The following PLEKHG1 variants were observed in gnomAD, a reference collection of about 807,000 sequenced individuals.
The protein encoded by PLEKHG1 is pleckstrin homology domain-containing family G member 1.
Under a neutral mutation model 100.8 loss-of-function variants are expected in PLEKHG1, and 44 were observed. That is an observed-to-expected ratio of 0.44 (90% confidence interval 0.34 to 0.56). PLEKHG1 has a LOEUF of 0.56. Among genes scored for constraint, PLEKHG1 ranks in the 20% least tolerant of loss-of-function variants. The pLI, the probability that PLEKHG1 is intolerant of heterozygous loss-of-function variation, is 0.01. For missense variants in PLEKHG1, 1,545 were observed against 1,720.9 expected, an observed-to-expected ratio of 0.90 and a Z score of 1.81; for synonymous variants, 640 against 662.5, an observed-to-expected ratio of 0.97 and a Z score of 0.52.
chr6:150,603,093 A>AAAG (rs1776430569), intron 1 of PLEKHG1, among the ~76,000 whole-genome samples: 2 of 124,266 alleles, frequency 1.6e-5, no homozygotes, highest in Admixed American at 8.3e-5. Context: ...AAAAAAAAAA[A>AAAG]TAAAAAAAAA....
At chr6:150,761,432 C>T (rs1412913232) in intron 2 of PLEKHG1, among the ~76,000 whole-genome samples, 1 of 152,114 alleles carries the variant, frequency 6.6e-6, no homozygotes, top group Non-Finnish European at 1.5e-5. Context: ...CTCAGCCTCT[C>T]GAGTAGCTGA....
chr6:150,674,431 T>C (rs1779671375), intron 3 of PLEKHG1, among the ~76,000 whole-genome samples: 1 of 152,212 alleles, frequency 6.6e-6, no homozygotes, highest in South Asian at 2.1e-4. Context: ...AGCTCTCTTC[T>C]CTTTCTGAGA....
rs78827208 is a variant in PLEKHG1, at chr6:150,674,303, A to G, written c.-99+23517A>G. Among the ~76,000 whole-genome samples, 1,363 of 152,218 alleles carry G rather than the reference A, an allele frequency of 9.0e-3. 8 individuals carry two copies. The highest frequency in any genetic ancestry group is 0.027 in the Middle Eastern group (8 of 294). On this transcript the variant is annotated intron_variant, in intron 3 of 3. Coordinates refer to the PLEKHG1 transcript ENST00000367326. ...TGAACAAGCGTTGAAAAAGGTTTTT[A>G]TTGTTAACTCTAAAGTTAACAGAAA...
chr6:150,701,681 T>C (rs1780798523), intron 3 of PLEKHG1, among the ~76,000 whole-genome samples: 1 of 144,670 alleles, frequency 6.9e-6, no homozygotes, highest in African/African-American at 2.5e-5. Context: ...TAGGAAGGCA[T>C]TGAATGTTCA....
At chr6:150,644,334 G>GGTT (rs1554255840) in intron 2 of PLEKHG1, among the ~76,000 whole-genome samples, 1 of 117,618 alleles carries the variant, frequency 8.5e-6, no homozygotes, top group Admixed American at 9.3e-5. Flanking sequence ...TTCTTTTCGT[G>GGTT]TTTTTTTTTT....
intron 3 of PLEKHG1, chr6:150,663,233 T>C (rs1207909949): frequency 6.6e-6 from 1 of 152,226 alleles, no homozygotes; most frequent in Non-Finnish European, 1.5e-5. Flanking sequence ...ATTAAATGTT[T>C]ACATTTCTAT....
chr6:150,645,000 T>A (rs1778431699), intron 2 of PLEKHG1, among the ~76,000 whole-genome samples: 1 of 152,182 alleles, frequency 6.6e-6, no homozygotes, highest in Non-Finnish European at 1.5e-5. Context: ...AATTCTAAAA[T>A]GTATACAGAA....
intron 3 of PLEKHG1, among the ~76,000 whole-genome samples, chr6:150,774,593 G>C (rs953885350): frequency 2.4e-4 from 35 of 146,356 alleles, no homozygotes; most frequent in Admixed American, 2.3e-3. Flanking sequence ...TCAGGCTGGA[G>C]GGCAATGGCA....
chr6:150,741,032 C>A (rs1034276989), intron 2 of PLEKHG1, among the ~76,000 whole-genome samples: 17 of 152,308 alleles, frequency 1.1e-4, no homozygotes, highest in Admixed American at 1.0e-3. Context: ...CAGCACAAAC[C>A]TAGAAGGTGG....
At chr6:150,602,202 T>G (rs930292625) in intron 1 of PLEKHG1, among the ~76,000 whole-genome samples, 1 of 152,248 alleles carries the variant, frequency 6.6e-6, no homozygotes, top group Admixed American at 6.5e-5. Context: ...AGCTATTATC[T>G]TAATGGCGGC....
intron 5 of PLEKHG1, among the ~76,000 whole-genome samples, chr6:150,799,050 T>C (rs1201595316): frequency 6.6e-6 from 1 of 150,790 alleles, no homozygotes; most frequent in Non-Finnish European, 1.5e-5. Context: ...GAGAAAGTTG[T>C]CTTTAAAAAA....
chr6:150,843,402 T>C (rs1404359500), exon 16 of PLEKHG1: 2 of 152,096 alleles, frequency 1.3e-5, no homozygotes, highest in Non-Finnish European at 2.9e-5. Context: ...AGTTATCAAT[T>C]GCTTTTGTTT....
chr6:150,761,835 T>G (rs1360310070), intron 2 of PLEKHG1, among the ~76,000 whole-genome samples: 2 of 152,180 alleles, frequency 1.3e-5, no homozygotes, highest in African/African-American at 4.8e-5. Context: ...TCCAAGTTTC[T>G]TTTTCTGGGA....
At chr6:150,797,834 CAAAAAAAAAAAAAAAAAAAA>C (rs58218481) in intron 5 of PLEKHG1, among the ~76,000 whole-genome samples, 20 of 23,910 alleles carry the variant, frequency 8.4e-4, no homozygotes, top group East Asian at 2.2e-3. Context: ...GACTCTGTCT[CAAAAAAAAAAAAAAAAAAAA>C]AAAAAAAAAA....
intron 2 of PLEKHG1, among the ~76,000 whole-genome samples, chr6:150,760,977 C>A (rs1784122763): frequency 6.6e-6 from 1 of 151,990 alleles, no homozygotes; most frequent in South Asian, 2.1e-4. Context: ...TATGTTTATA[C>A]CAAACTGCTT....
At chr6:150,699,324 T>G (rs1336425817) in intron 3 of PLEKHG1, among the ~76,000 whole-genome samples, 1 of 152,224 alleles carries the variant, frequency 6.6e-6, no homozygotes, top group Non-Finnish European at 1.5e-5. Context: ...TGGCAGGGAT[T>G]CAGAAAAGAC....
intron 14 of PLEKHG1, chr6:150,827,938 GAA>G: frequency 6.2e-7 from 1 of 1,608,208 alleles, no homozygotes; most frequent in Non-Finnish European, 8.5e-7. Context: ...AATAAATCTG[GAA>G]AAGTTTTGGA....
At chr6:150,614,550 C>A (rs1176240753) in intron 1 of PLEKHG1, among the ~76,000 whole-genome samples, 1 of 152,136 alleles carries the variant, frequency 6.6e-6, no homozygotes, top group Non-Finnish European at 1.5e-5. Flanking sequence ...GCAACCAAAT[C>A]AAGAGTTCCC....
intron 4 of PLEKHG1, among the ~76,000 whole-genome samples, chr6:150,789,218 T>G (rs555941794): frequency 4.6e-4 from 70 of 152,366 alleles, no homozygotes; most frequent in Non-Finnish European, 9.0e-4. Context: ...AATGTCTCAT[T>G]TCTATGTCAT....
Sources: allele counts gnomAD v4.1 joint callset (sites outside exome capture counted in the v4.1 genomes callset), GRCh38; gene constraint gnomAD v4.1.1; transcripts MANE v1.5; gene names NCBI Gene and HGNC (gene_info 2026-07-23, HGNC 2026-07-21).